The following BMP2K variants were observed in gnomAD, a reference collection of about 807,000 sequenced individuals.
BMP2K encodes the protein BMP-2-inducible protein kinase.
In BMP2K, 74 loss-of-function variants were observed where a neutral mutation model predicts 116.0. That is an observed-to-expected ratio of 0.64 (90% CI 0.53 to 0.77). The LOEUF (loss-of-function observed/expected upper bound fraction) is 0.77, where lower values mean the gene tolerates loss of function less well. BMP2K is among the 30% of genes least tolerant of loss of function. The pLI is 0.00. For missense variants in BMP2K, 1,365 were observed against 1,403.6 expected, an observed-to-expected ratio of 0.97 and a Z score of 0.44; for synonymous variants, 486 against 502.5, an observed-to-expected ratio of 0.97 and a Z score of 0.44.
intron 4 of BMP2K, among the ~76,000 whole-genome samples, chr4:78,844,724 T>C (rs956250153): frequency 7.3e-5 from 11 of 151,716 alleles, no homozygotes; most frequent in African/African-American, 2.4e-4. Context: ...GGGTATCTTA[T>C]GTCTATATAT....
chr4:78,818,788 GT>G (rs1377059739), intron 1 of BMP2K, among the ~76,000 whole-genome samples: 1 of 147,496 alleles, frequency 6.8e-6, no homozygotes, highest in African/African-American at 2.5e-5. Context: ...AGATGAAGCA[GT>G]GTTTTTTTTT....
chr4:78,805,748 A>G (rs760754445), intron 1 of BMP2K, among the ~76,000 whole-genome samples: 1 of 152,074 alleles, frequency 6.6e-6, no homozygotes, highest in African/African-American at 2.4e-5. Context: ...AGGCGGGTGG[A>G]TCACAAGGGT....
At chr4:78,908,457 T>C (rs62307996) in intron 15 of BMP2K, among the ~76,000 whole-genome samples, 11,145 of 152,224 alleles carry the variant, frequency 0.073, 564 homozygotes, top group East Asian at 0.21. Flanking sequence ...ATGTTCATCT[T>C]CCTCTGCTGA....
intron 1 of BMP2K, among the ~76,000 whole-genome samples, chr4:78,777,003 G>T (rs868605148): frequency 6.6e-6 from 1 of 152,142 alleles, no homozygotes; most frequent in African/African-American, 2.4e-5. Flanking sequence ...CTAGGAAGTG[G>T]GTTGGTGTTA....
Position 78,842,517 on chromosome 4 carries a change from G to C in BMP2K, c.536G>C (p.Arg179Pro). ...LHQCKTPIIH[R>P]DLKVENILLN... ...CAGTGTAAGACTCCAATAATTCACC[G>C]GGATCTGAAGGTAAGAACTTTAGAA... Residue 179 changes from arginine (R) to proline (P), a missense_variant, in exon 4 of 16, where the codon CGG becomes CCG. Transcript: ENST00000502613. 6.3e-7 allele frequency: 1 copy of C among 1,575,640 alleles called. No homozygotes were observed. Among genetic ancestry groups the C allele is most frequent in the Non-Finnish European group, 8.7e-7 (1 of 1,153,334 alleles).
At chr4:78,809,201 C>T (rs1202797615) in intron 1 of BMP2K, among the ~76,000 whole-genome samples, 1 of 151,962 alleles carries the variant, frequency 6.6e-6, no homozygotes, top group Non-Finnish European at 1.5e-5. Flanking sequence ...TCTTTTATTT[C>T]TAATGCATTT....
Position 78,814,815 on chromosome 4 carries a change from A to T in BMP2K, c.179-11222A>T, listed in dbSNP as rs568560335. ...GATTTTTTCCCTTTCATAACTTTTT[A>T]AAAAAAATATAGTTTGCTGCTCTTG... On this transcript the variant is annotated intron_variant, in intron 1 of 15. Transcript: ENST00000502613. Among the ~76,000 whole-genome samples, 353 of 151,948 alleles carry T rather than the reference A, an allele frequency of 2.3e-3. 2 individuals are homozygous for T. The highest frequency in any genetic ancestry group is 7.2e-3 in the African/African-American group (299 of 41,448).
intron 3 of BMP2K, among the ~76,000 whole-genome samples, chr4:78,838,788 A>G (rs555434149): frequency 6.6e-6 from 1 of 152,312 alleles, no homozygotes; most frequent in South Asian, 2.1e-4. Flanking sequence ...TTAGGTATTC[A>G]ATGTTTACCA....
At chr4:78,784,871 A>G (rs1027773759) in intron 1 of BMP2K, among the ~76,000 whole-genome samples, 2 of 152,202 alleles carry the variant, frequency 1.3e-5, no homozygotes, top group Non-Finnish European at 2.9e-5. Flanking sequence ...GAAAAAATGA[A>G]TTTGTAACAT....
At chr4:78,811,301 G>T (rs1222379189) in intron 1 of BMP2K, among the ~76,000 whole-genome samples, 1 of 152,130 alleles carries the variant, frequency 6.6e-6, no homozygotes, top group Non-Finnish European at 1.5e-5. Context: ...GCCTAGAGAG[G>T]GTAGGACAGT....
At chr4:78,833,501 T>A in intron 2 of BMP2K, 81 bp from the exon 3 acceptor site, 1 of 919,756 alleles carries the variant, frequency 1.1e-6, no homozygotes, top group African/African-American at 1.7e-5. Context: ...ATTCTTTACA[T>A]TAATTTAGGC....
intron 1 of BMP2K, among the ~76,000 whole-genome samples, chr4:78,809,847 C>T (rs1010386205): frequency 6.6e-6 from 1 of 152,132 alleles, no homozygotes; most frequent in Non-Finnish European, 1.5e-5. Flanking sequence ...ATAAGTCTAA[C>T]ATGGGTTTTC....
At chr4:78,796,447 TAGTG>T (rs1218989508) in intron 1 of BMP2K, among the ~76,000 whole-genome samples, 3 of 149,806 alleles carry the variant, frequency 2.0e-5, no homozygotes, top group African/African-American at 7.3e-5. Flanking sequence ...GATGACGAGT[TAGTG>T]GGTGCAGCGC....
intron 2 of BMP2K, among the ~76,000 whole-genome samples, 180 bp downstream of exon 2, chr4:78,826,335 A>G (rs1729873497): frequency 6.6e-6 from 1 of 152,076 alleles, no homozygotes; most frequent in African/African-American, 2.4e-5. Context: ...CCAAGTAGCC[A>G]GGATTACAGG....
chr4:78,843,426 C>CTT (rs147526370), intron 4 of BMP2K, among the ~76,000 whole-genome samples: 2 of 148,962 alleles, frequency 1.3e-5, no homozygotes, highest in African/African-American at 2.5e-5. Flanking sequence ...CAGGACTTTT[C>CTT]TTTTTTTTTT....
Position 78,847,266 on chromosome 4 carries a change from C to A in BMP2K, c.747C>A (p.Ile249=). ...GGKPITTKAD[I]WALGCLLYKL... is the part of the protein sequence containing the mutation. ...AACCCATCACCACCAAGGCTGATAT[C>A]TGGGTAAGGCCAAGAAAGGCTGGAA... The change falls in exon 6 of 16, where the codon ATC becomes ATA. Residue 249 remains isoleucine (I), a synonymous_variant. Transcript: ENST00000502613. The A allele has an allele frequency of 6.3e-7, 1 of 1,582,136 alleles. No homozygotes were observed.
rs927434255 is a variant in BMP2K, at chr4:78,825,967, A to T, written c.179-70A>T. On this transcript the variant is annotated intron_variant, in intron 1 of 15. Coordinates refer to ENST00000502613, the MANE Select transcript of BMP2K (RefSeq NM_198892.2). ...TGTTTATTTTCCTCCAATATGCTCTATGATTATATTACATGATTTTGGCAT... is the reference window on the plus strand; with the variant it reads ...TGTTTATTTTCCTCCAATATGCTCTTTGATTATATTACATGATTTTGGCAT... The T allele has an allele frequency of 2.3e-5, 27 of 1,160,926 alleles. No individual in the cohort carries two copies. The Middle Eastern group carries it at 1.6e-3, about 68-fold the overall frequency. 71.9% of individuals were successfully genotyped at this position (1,160,926 alleles called of 1,614,324 possible).
chr4:78,866,603 T>C (rs1301776299), intron 10 of BMP2K, among the ~76,000 whole-genome samples: 1 of 152,204 alleles, frequency 6.6e-6, no homozygotes, highest in Non-Finnish European at 1.5e-5. Flanking sequence ...CTACTGTTGT[T>C]ACTATCAAGT....
chr4:78,867,541 T>G (rs76706378), intron 10 of BMP2K, among the ~76,000 whole-genome samples: 1 of 144,986 alleles, frequency 6.9e-6, no homozygotes, highest in African/African-American at 2.8e-5. Flanking sequence ...AATAAGTGCA[T>G]TTTTTTTTAA....
Sources: gnomAD v4.1 joint callset for allele counts (sites outside exome capture counted in the v4.1 genomes callset) on GRCh38, gnomAD v4.1.1 for gene constraint, MANE v1.5 for transcripts, NCBI Gene and HGNC (gene_info 2026-07-23, HGNC 2026-07-21) for gene names.